CNTNAP2: variants seen among roughly 807,000 people sequenced by gnomAD.
CNTNAP2 encodes the protein contactin-associated protein-like 2.
In CNTNAP2, 98 loss-of-function variants were observed where a neutral mutation model predicts 155.2. That is an observed-to-expected ratio of 0.63 (90% CI 0.54 to 0.75). CNTNAP2 has a LOEUF of 0.75. Ranked by LOEUF, CNTNAP2 falls within the 30% of genes least tolerant of loss-of-function variation. The probability of loss-of-function intolerance (pLI) is 0.00; values close to 1 mark genes in which losing one functional copy is unlikely to be tolerated. For synonymous variants in CNTNAP2, 651 were observed against 631.2 expected (o/e 1.03, Z -0.47); for missense variants, 1,727 against 1,688.1 (o/e 1.02, Z -0.40).
intron 1 of CNTNAP2, among the ~76,000 whole-genome samples, chr7:146,720,989 G>GTA (rs763130498): frequency 2.1e-5 from 2 of 96,944 alleles, no homozygotes; most frequent in South Asian, 5.8e-4. Flanking sequence ...TATATATACT[G>GTA]TATATATATA....
In CNTNAP2 at chr7:147,128,775, A is replaced by T; in HGVS notation, c.1022A>T (p.Asn341Ile). ...TTCAAAGGCTGCATGGAAAGCATCA[A>T]CTACAATGGCGTCAACATTACTGAT... is the stretch of plus-strand genomic sequence containing the variant. ...KNFKGCMESI[N>I]YNGVNITDLA... The change falls in exon 7 of 24, where the codon AAC becomes ATC. Residue 341 changes from asparagine (N) to isoleucine (I), a missense_variant. Coordinates refer to ENST00000361727, the MANE Select transcript of CNTNAP2 (RefSeq NM_014141.6). The T allele has an allele frequency of 6.2e-7, 1 of 1,614,142 alleles. No individual in the cohort carries two copies.
intron 11 of CNTNAP2, among the ~76,000 whole-genome samples, chr7:147,537,355 G>A (rs1036343472): frequency 6.6e-5 from 10 of 151,950 alleles, no homozygotes; most frequent in Admixed American, 2.0e-4. Flanking sequence ...TTATATAATC[G>A]TAAAAGAAAA....
chr7:146,692,980 T>C (rs1409800422), intron 1 of CNTNAP2, among the ~76,000 whole-genome samples: 2 of 152,116 alleles, frequency 1.3e-5, no homozygotes, highest in African/African-American at 2.4e-5. Flanking sequence ...CCTTGAACTA[T>C]AGTATACGGT....
chr7:146,617,089 C>T (rs774909021), intron 1 of CNTNAP2, among the ~76,000 whole-genome samples: 7 of 152,088 alleles, frequency 4.6e-5, no homozygotes, highest in Admixed American at 3.3e-4. Context: ...GCGCGATCTC[C>T]GCTCGCTGCA....
At chr7:147,786,458 A>T (rs1194907156) in intron 13 of CNTNAP2, among the ~76,000 whole-genome samples, 2 of 152,166 alleles carry the variant, frequency 1.3e-5, no homozygotes, top group Non-Finnish European at 2.9e-5. Context: ...TGACCTTTAT[A>T]CAAGGGCTTG....
At chr7:146,623,424 C>T (rs893645913) in intron 1 of CNTNAP2, among the ~76,000 whole-genome samples, 1 of 152,038 alleles carries the variant, frequency 6.6e-6, no homozygotes, top group South Asian at 2.1e-4. Flanking sequence ...TGTGCTTTGC[C>T]CACTCAACTC....
At chr7:147,062,127 C>CAAAAAAAAAAAAAAAAAAA (rs869125044) in intron 4 of CNTNAP2, among the ~76,000 whole-genome samples, 3 of 44,938 alleles carry the variant, frequency 6.7e-5, no homozygotes, top group Non-Finnish European at 7.4e-5. Context: ...GACTCCGTCT[C>CAAAAAAAAAAAAAAAAAAA]AAAAAAAAAA....
intron 14 of CNTNAP2, among the ~76,000 whole-genome samples, chr7:147,913,405 T>C (rs1800102182): frequency 6.6e-6 from 1 of 152,170 alleles, no homozygotes; most frequent in Admixed American, 6.5e-5. Flanking sequence ...GATTTTACCC[T>C]CAGTGACAAC....
chr7:147,262,678 C>A (rs557136950), intron 8 of CNTNAP2, among the ~76,000 whole-genome samples: 2 of 152,106 alleles, frequency 1.3e-5, no homozygotes, highest in Non-Finnish European at 2.9e-5. Flanking sequence ...TGGTGGCGAG[C>A]GCCTGTAGTC....
chr7:146,831,850 A>G (rs755964509), intron 2 of CNTNAP2, among the ~76,000 whole-genome samples: 6 of 152,072 alleles, frequency 3.9e-5, no homozygotes, highest in Non-Finnish European at 7.4e-5. Context: ...TTTTCCTGTC[A>G]TTAAATAATA....
At chr7:146,354,572 G>A (rs1563052232) in intron 1 of CNTNAP2, among the ~76,000 whole-genome samples, 1 of 151,868 alleles carries the variant, frequency 6.6e-6, no homozygotes, top group African/African-American at 2.4e-5. Flanking sequence ...CTGCCACCAC[G>A]CCAGGCTAGT....
At chr7:148,039,238 A>T (rs1356207279) in intron 15 of CNTNAP2, among the ~76,000 whole-genome samples, 3 of 152,204 alleles carry the variant, frequency 2.0e-5, no homozygotes, top group Non-Finnish European at 4.4e-5. Context: ...GTTCAAGTCC[A>T]AAGGCCAGAC....
chr7:147,791,652 C>T (rs1211527549), intron 13 of CNTNAP2, among the ~76,000 whole-genome samples: 1 of 152,088 alleles, frequency 6.6e-6, no homozygotes, highest in Non-Finnish European at 1.5e-5. Flanking sequence ...ACTCTGATGT[C>T]TTCAGCATAC....
At chr7:148,061,364 TA>T (rs1367031474) in intron 15 of CNTNAP2, among the ~76,000 whole-genome samples, 9 of 151,922 alleles carry the variant, frequency 5.9e-5, no homozygotes, top group Middle Eastern at 6.8e-3. Flanking sequence ...TTTTATTATT[TA>T]TTTTTTGAGA....
intron 21 of CNTNAP2, among the ~76,000 whole-genome samples, chr7:148,326,061 C>A (rs778522812): frequency 1.2e-4 from 18 of 152,058 alleles, no homozygotes; most frequent in Non-Finnish European, 2.2e-4. Flanking sequence ...ATTACTGCCA[C>A]GTGGGGAGCT....
rs139492974 is a variant in CNTNAP2, at chr7:147,997,588, G to A, written c.2383+19599G>A. 2.8e-3 allele frequency among the ~76,000 whole-genome samples: 427 copies of A among 151,872 alleles called. 2 individuals carry two copies. The highest frequency in any genetic ancestry group is 9.6e-3 in the African/African-American group (397 of 41,408). On this transcript the variant is annotated intron_variant, in intron 15 of 23. Transcript: ENST00000361727. ...AAAAAAAAAAATTTAAACAAGAGACGCACAGTGAAGCGGGTGCAGCATAAT... is the reference window on the plus strand; with the variant it reads ...AAAAAAAAAAATTTAAACAAGAGACACACAGTGAAGCGGGTGCAGCATAAT...
chr7:146,566,287 G>C (rs1219824797), intron 1 of CNTNAP2, among the ~76,000 whole-genome samples: 1 of 152,166 alleles, frequency 6.6e-6, no homozygotes, highest in Non-Finnish European at 1.5e-5. Flanking sequence ...TATTTTTAAT[G>C]AAGATTTATC....
chr7:146,131,929 T>C (rs934527792), intron 1 of CNTNAP2, among the ~76,000 whole-genome samples: 2 of 152,190 alleles, frequency 1.3e-5, no homozygotes, highest in African/African-American at 2.4e-5. Context: ...ATTTACTCTC[T>C]CCTGCCACCT....
chr7:147,058,444 T>A (rs914523450), intron 4 of CNTNAP2, among the ~76,000 whole-genome samples: 9 of 152,138 alleles, frequency 5.9e-5, no homozygotes, highest in Non-Finnish European at 1.2e-4. Flanking sequence ...AGAATAAAAT[T>A]TATATTGTTT....
Sources: allele counts gnomAD v4.1 joint callset (sites outside exome capture counted in the v4.1 genomes callset), GRCh38; gene constraint gnomAD v4.1.1; transcripts MANE v1.5; gene names NCBI Gene and HGNC (gene_info 2026-07-23, HGNC 2026-07-21).